The following ITIH1 variants were observed in gnomAD, a reference collection of about 807,000 sequenced individuals.
ITIH1 encodes the protein inter-alpha-trypsin inhibitor heavy chain H1.
A neutral mutation model predicts 104.6 loss-of-function variants in ITIH1; 94 were observed. That is an observed-to-expected ratio of 0.90 (90% CI 0.76 to 1.07). The LOEUF (loss-of-function observed/expected upper bound fraction) is 1.07. Ranked by LOEUF, ITIH1 falls within the 50% of genes least tolerant of loss-of-function variation. ITIH1 has a pLI of 0.00. For missense variants in ITIH1, 1,193 were observed against 1,181.4 expected, an observed-to-expected ratio of 1.01 and a Z score of -0.14; for synonymous variants, 455 against 464.4, an observed-to-expected ratio of 0.98 and a Z score of 0.26.
chr3:52,781,700 A>G (rs1307657284), intron 6 of ITIH1, among the ~76,000 whole-genome samples: 1 of 152,162 alleles, frequency 6.6e-6, no homozygotes, highest in African/African-American at 2.4e-5. Flanking sequence ...CAAAGTGATG[A>G]TGTTCATTGT....
chr3:52,783,433 A>G (rs1452047500), intron 10 of ITIH1, 94 bp downstream of exon 10: 2 of 1,400,452 alleles, frequency 1.4e-6, no homozygotes, highest in Admixed American at 2.0e-5. Context: ...TGGAGATGCC[A>G]TCAGGGGGCA....
At position 52,787,971 on chromosome 3, in the gene ITIH1, T is replaced by A; in HGVS notation, c.1925-15T>A. Reference sequence around the variant, plus strand: ...TGGCTGCCCCGCTTCTAAATGCCACTCCCCCTCCCATCAGCGTTCGTGCTG... The same window carrying A: ...TGGCTGCCCCGCTTCTAAATGCCACACCCCCTCCCATCAGCGTTCGTGCTG... On this transcript the variant is annotated splice_polypyrimidine_tract_variant and intron_variant, in intron 16 of 21. Coordinates refer to ENST00000273283, the MANE Select transcript of ITIH1 (RefSeq NM_002215.4). 1 of 1,589,356 alleles carries A rather than the reference T, an allele frequency of 6.3e-7. No homozygotes were observed. The highest frequency in any genetic ancestry group is 8.6e-7 in the Non-Finnish European group (1 of 1,165,114).
At chr3:52,781,336 A>G (rs1224537215) in intron 6 of ITIH1, among the ~76,000 whole-genome samples, 15 of 108,222 alleles carry the variant, frequency 1.4e-4, no homozygotes, top group East Asian at 5.3e-4. Context: ...TTCTTCTTCT[A>G]TCTTCTCTTC....
intron 19 of ITIH1, 28 bp downstream of exon 19, chr3:52,789,882 C>T: frequency 1.2e-6 from 2 of 1,608,728 alleles, no homozygotes; most frequent in Non-Finnish European, 1.7e-6. Context: ...GGGCAAGATG[C>T]AGGGGGAGGT....
At chr3:52,785,326 T>A in intron 12 of ITIH1, 97 bp downstream of exon 12, 1 of 1,225,058 alleles carries the variant, frequency 8.2e-7, no homozygotes, top group Non-Finnish European at 1.2e-6. Flanking sequence ...CAGAGGCCTC[T>A]CTTTCCCCAG....
In ITIH1 at chr3:52,782,344, C is replaced by T. The variant is rs1326397575; in HGVS notation, c.930+77C>T. The T allele has an allele frequency of 1.8e-5, 21 of 1,163,524 alleles. No individual in the cohort carries two copies. The East Asian group carries it at 4.0e-4, about 22-fold the overall frequency. 72.1% of individuals were successfully genotyped at this position (1,163,524 alleles called of 1,614,324 possible). ...CACTCACCACATGCCAGTTTTGCTG[C>T]CAGAGTCTGGTTTGGGATTTATCCT... is the stretch of plus-strand genomic sequence containing the variant. On this transcript the variant is annotated intron_variant, in intron 8 of 21. Coordinates refer to ENST00000273283, the MANE Select transcript of ITIH1 (RefSeq NM_002215.4).
chr3:52,778,611 A>C, intron 3 of ITIH1, 105 bp downstream of exon 3: 3 of 1,545,022 alleles, frequency 1.9e-6, no homozygotes, highest in Non-Finnish European at 2.6e-6. Flanking sequence ...GCATCTCCTC[A>C]TTCTAGAAGG....
chr3:52,778,121 G>A (rs1698949480), intron 2 of ITIH1, 104 bp downstream of exon 2: 1 of 1,339,830 alleles, frequency 7.5e-7, no homozygotes, highest in Non-Finnish European at 1.1e-6. Flanking sequence ...CCATAGGCAT[G>A]GGGTACTCTC....
Position 52,791,929 on chromosome 3 carries a change from C to T in ITIH1, c.*18C>T, listed in dbSNP as rs1445425686. ...TCTTCTGAGCCCTCTGGCCAGCACG[C>T]CTGTCCTCCCCCGGGGCCAAGGCAG... On this transcript the variant is annotated 3_prime_UTR_variant, in exon 22 of 22. Coordinates refer to ENST00000273283, the MANE Select transcript of ITIH1 (RefSeq NM_002215.4). 8 of 1,602,896 alleles carry T rather than the reference C, an allele frequency of 5.0e-6. No individual in the cohort carries two copies. The East Asian group carries it at 1.1e-4, about 22-fold the overall frequency.
intron 1 of ITIH1, 61 bp from the exon 2 acceptor site, chr3:52,777,936 C>T (rs1207375614): frequency 6.2e-7 from 1 of 1,605,934 alleles, no homozygotes; most frequent in African/African-American, 1.3e-5. Context: ...CATCCCTGAA[C>T]TGGCAGGCCG....
At chr3:52,788,169 CA>C in intron 17 of ITIH1, 62 bp from the exon 18 acceptor site, 2 of 1,517,142 alleles carry the variant, frequency 1.3e-6, no homozygotes, top group Non-Finnish European at 9.1e-7. Context: ...AGCTGAACCC[CA>C]ACCCCTGGCC....
At chr3:52,789,088 T>C (rs1459176605) in intron 18 of ITIH1, among the ~76,000 whole-genome samples, 2 of 152,274 alleles carry the variant, frequency 1.3e-5, no homozygotes, top group East Asian at 1.9e-4. Context: ...TCCCTCCCTG[T>C]CCAGTTAGTC....
At chr3:52,788,198 G>A in intron 17 of ITIH1, 34 bp from the exon 18 acceptor site, 1 of 1,558,032 alleles carries the variant, frequency 6.4e-7, no homozygotes. Context: ...TCTGCCCGAT[G>A]TCCAATCTAA....
chr3:52,787,131 G>A, intron 14 of ITIH1, 32 bp downstream of exon 14: 1 of 1,614,208 alleles, frequency 6.2e-7, no homozygotes, highest in Non-Finnish European at 8.5e-7. Context: ...AGAAGGGAGA[G>A]GCCATGGGCC....
Position 52,791,971 on chromosome 3 carries a change from C to T in ITIH1, c.*60C>T. ...CCAAGGCAGAGGAGGAGGACGACAT[C>T]CTGACCTGCTGCTGAGGCTGTACCT... On this transcript the variant is annotated 3_prime_UTR_variant, in exon 22 of 22. Transcript: ENST00000273283. 9.7e-6 allele frequency: 15 copies of T among 1,545,484 alleles called. No individual in the cohort carries two copies. Among genetic ancestry groups the T allele is most frequent in the Non-Finnish European group, 1.1e-5 (13 of 1,138,260 alleles).
chr3:52,786,932 G>A lies in ITIH1; in HGVS notation c.1734-13G>A. ...AAGTCGGGGCTTGGAGCCAGCCTCT[G>A]TCTTGAATGCAGGATGAAGGTGGAC... On this transcript the variant is annotated splice_polypyrimidine_tract_variant and intron_variant, in intron 13 of 21. Coordinates refer to ENST00000273283, the MANE Select transcript of ITIH1 (RefSeq NM_002215.4). The A allele has an allele frequency of 6.2e-7, 1 of 1,605,778 alleles. No homozygotes were observed.
At chr3:52,778,758 G>T in intron 3 of ITIH1, 184 bp from the exon 4 acceptor site, 3 of 1,250,810 alleles carry the variant, frequency 2.4e-6, no homozygotes, top group Non-Finnish European at 3.2e-6. Flanking sequence ...AGAGTCTGAG[G>T]CTTCTTGCTG....
At chr3:52,789,525 G>T in intron 18 of ITIH1, 128 bp from the exon 19 acceptor site, 1 of 769,342 alleles carries the variant, frequency 1.3e-6, no homozygotes, top group Non-Finnish European at 2.2e-6. Context: ...AGACCCTGAG[G>T]CAGGAGACTC....
chr3:52,778,943 A>G lies in ITIH1; in HGVS notation c.307A>G (p.Thr103Ala). ...GAGGGTGTCCTTCCCTCCCTGCAGT[A>G]CAGCAGATGGAAACGCATTTATCGG... ...KTAFISDFAV[T>A]ADGNAFIGDI... The change falls in exon 4 of 22, where the codon ACA becomes GCA. Residue 103 changes from threonine (T) to alanine (A), a missense_variant and splice_region_variant. Transcript: ENST00000273283. 1 of 1,610,100 alleles carries G rather than the reference A, an allele frequency of 6.2e-7. No homozygotes were observed. The highest frequency in any genetic ancestry group is 1.1e-5 in the South Asian group (1 of 90,998).
Sources: gnomAD v4.1 joint callset for allele counts (sites outside exome capture counted in the v4.1 genomes callset) on GRCh38, gnomAD v4.1.1 for gene constraint, MANE v1.5 for transcripts, NCBI Gene and HGNC (gene_info 2026-07-23, HGNC 2026-07-21) for gene names.